MPHOSPH9: variants seen among roughly 807,000 people sequenced by gnomAD.
The protein encoded by MPHOSPH9 is M-phase phosphoprotein 9.
MPHOSPH9 carries 88 observed loss-of-function variants against 145.5 expected under a neutral mutation model. The ratio of observed to expected loss-of-function variants is 0.60; its 90% confidence interval spans 0.51 to 0.72. The LOEUF (loss-of-function observed/expected upper bound fraction) is 0.72. MPHOSPH9 is among the 30% of genes least tolerant of loss of function. The pLI is 0.00. For missense variants in MPHOSPH9, 1,238 were observed against 1,386.6 expected (o/e 0.89, Z 1.70); for synonymous variants, 435 against 486.2 (o/e 0.89, Z 1.39).
Position 123,154,251 on chromosome 12 carries a change from T to C in MPHOSPH9, c.*2556A>G, listed in dbSNP as rs2043820820. 1 of 151,056 alleles carries C rather than the reference T, an allele frequency of 6.6e-6. No individual in the cohort carries two copies. Among genetic ancestry groups the C allele is most frequent in the Admixed American group, 6.6e-5 (1 of 15,144 alleles). The allele number at this position is 151,056 out of a possible 1,614,324, so 9.4% of individuals were successfully genotyped here. A position where few individuals can be genotyped will look rare whatever the true frequency, so the allele number is the denominator to read the frequency against. On this transcript the variant is annotated 3_prime_UTR_variant, in exon 24 of 24. Coordinates refer to ENST00000606320, the MANE Select transcript of MPHOSPH9 (RefSeq NM_022782.4). ...TTTTTCTTTTTAAACTATTAATACC[T>C]GCAGCAAAGCCCCAAGCCAACAACA...
At chr12:123,158,401 G>A (rs1334406446) in intron 23 of MPHOSPH9, among the ~76,000 whole-genome samples, 1 of 152,110 alleles carries the variant, frequency 6.6e-6, no homozygotes, top group Non-Finnish European at 1.5e-5. Flanking sequence ...CCAGGAGTTC[G>A]AGACCACCCT....
downstream of MPHOSPH9, chr12:123,153,255 T>A (rs1165657663): frequency 6.6e-6 from 1 of 152,218 alleles, no homozygotes; most frequent in Non-Finnish European, 1.5e-5. Context: ...AAGACCAAAG[T>A]GCTTTCTGAA....
intron 13 of MPHOSPH9, among the ~76,000 whole-genome samples, chr12:123,191,699 T>C (rs2045682112): frequency 6.6e-6 from 1 of 152,108 alleles, no homozygotes; most frequent in Non-Finnish European, 1.5e-5. Context: ...AAGTACAAGA[T>C]GAGCCTGGAA....
At position 123,230,465 on chromosome 12, in the gene MPHOSPH9, T is replaced by C; in HGVS notation, c.-101A>G. 6.7e-6 allele frequency: 4 copies of C among 594,726 alleles called. No individual in the cohort carries two copies. Among genetic ancestry groups the C allele is most frequent in the Non-Finnish European group, 8.4e-6 (3 of 358,440 alleles). 36.8% of individuals were successfully genotyped at this position (594,726 alleles called of 1,614,324 possible). The stretch of plus-strand genomic sequence containing the variant: ...CATCTTCAGAGGCTTCATCATCTAC[T>C]GGCATTTTCAGTGGCTAACATTCAG... On this transcript the variant is annotated 5_prime_UTR_variant, in exon 2 of 24. Coordinates refer to ENST00000606320, the MANE Select transcript of MPHOSPH9 (RefSeq NM_022782.4).
intron 8 of MPHOSPH9, among the ~76,000 whole-genome samples, chr12:123,208,401 G>C (rs1196783587): frequency 6.6e-6 from 1 of 151,444 alleles, no homozygotes; most frequent in Non-Finnish European, 1.5e-5. Flanking sequence ...GCTGGGCGTG[G>C]TGGCATGTGC....
intron 13 of MPHOSPH9, among the ~76,000 whole-genome samples, chr12:123,191,962 T>C (rs1472382263): frequency 6.6e-6 from 1 of 151,648 alleles, no homozygotes; most frequent in African/African-American, 2.4e-5. Flanking sequence ...GGCAGAAGGA[T>C]TGCTTACTCC....
chr12:123,173,111 A>G (rs557051451), intron 16 of MPHOSPH9, among the ~76,000 whole-genome samples: 40 of 150,418 alleles, frequency 2.7e-4, no homozygotes, highest in African/African-American at 9.5e-4. Context: ...CCTGACCTCA[A>G]GTGATCCACC....
chr12:123,190,599 A>G (rs1284990224), intron 13 of MPHOSPH9, among the ~76,000 whole-genome samples: 1 of 152,240 alleles, frequency 6.6e-6, no homozygotes, highest in East Asian at 1.9e-4. Flanking sequence ...GGCAAATCTC[A>G]GAAACAATGT....
At chr12:123,224,601 C>A (rs1187769099) in intron 3 of MPHOSPH9, among the ~76,000 whole-genome samples, 1 of 152,088 alleles carries the variant, frequency 6.6e-6, no homozygotes, top group African/African-American at 2.4e-5. Flanking sequence ...GGAAGGAACT[C>A]CATGTTGGAA....
chr12:123,224,680 A>G (rs774989824), intron 3 of MPHOSPH9, among the ~76,000 whole-genome samples: 8 of 152,210 alleles, frequency 5.3e-5, no homozygotes, highest in Non-Finnish European at 8.8e-5. Flanking sequence ...GGGTCCAGGC[A>G]TGCGGATCAT....
rs554102338 is a variant in MPHOSPH9, at chr12:123,177,184, A to C, written c.2355-395T>G. Among the ~76,000 whole-genome samples, 56 of 151,960 alleles carry C rather than the reference A, an allele frequency of 3.7e-4. 1 individual carries two copies. The South Asian group carries it at 1.0e-2, about 27-fold the overall frequency. Reference sequence around the variant, plus strand: ...ACAGAGTGAGACTCCGTCACACACAAAAAAAGAGTTGCAAGTCCATAAACA... The same window carrying C: ...ACAGAGTGAGACTCCGTCACACACACAAAAAGAGTTGCAAGTCCATAAACA... On this transcript the variant is annotated intron_variant, in intron 15 of 23. Coordinates refer to ENST00000606320, the MANE Select transcript of MPHOSPH9 (RefSeq NM_022782.4).
At chr12:123,194,106 T>C (rs2045833518) in intron 13 of MPHOSPH9, among the ~76,000 whole-genome samples, 1 of 151,946 alleles carries the variant, frequency 6.6e-6, no homozygotes, top group Non-Finnish European at 1.5e-5. Context: ...CTGTCTTTAC[T>C]AACAATACAA....
In MPHOSPH9 at chr12:123,211,842, A is replaced by C. The variant is rs1340455275; in HGVS notation, c.1088-1680T>G. Among the ~76,000 whole-genome samples, 4 of 150,572 alleles carry C rather than the reference A, an allele frequency of 2.7e-5. No individual in the cohort carries two copies. In the East Asian group the frequency reaches 7.9e-4, roughly 30 times the overall value. ...CCAAGTAGCTGGGACTATAAACTCAACACCACCGCACCCAGCTAATTTTTG... is the reference window on the plus strand; with the variant it reads ...CCAAGTAGCTGGGACTATAAACTCACCACCACCGCACCCAGCTAATTTTTG... On this transcript the variant is annotated intron_variant, in intron 7 of 23. Transcript: ENST00000606320.
At chr12:123,209,737 G>GTTTTTTTTT in intron 8 of MPHOSPH9, among the ~76,000 whole-genome samples, 1 of 123,682 alleles carries the variant, frequency 8.1e-6, no homozygotes. Flanking sequence ...TTGTTTTGTT[G>GTTTTTTTTT]TTTTTTTTTT....
At chr12:123,167,835 G>C (rs944659613) in intron 16 of MPHOSPH9, among the ~76,000 whole-genome samples, 1 of 152,006 alleles carries the variant, frequency 6.6e-6, no homozygotes, top group Non-Finnish European at 1.5e-5. Flanking sequence ...TCATTCCCCA[G>C]ACTTTAGAGC....
chr12:123,166,603 C>A lies in MPHOSPH9; in HGVS notation c.2591+52G>T. On this transcript the variant is annotated intron_variant, in intron 17 of 23. Transcript: ENST00000606320. ...CCAAACTTTTAAAAGCAATTGAAAT[C>A]TCTAAGAAAACATAACATCCCTAAA... The A allele has an allele frequency of 3.2e-6, 5 of 1,587,100 alleles. No individual in the cohort carries two copies. The East Asian group carries it at 6.8e-5, about 21-fold the overall frequency.
intron 7 of MPHOSPH9, 113 bp from the exon 8 acceptor site, chr12:123,210,275 TTAAAG>T (rs1342794161): frequency 1.1e-5 from 6 of 553,076 alleles, no homozygotes; most frequent in Non-Finnish European, 1.8e-5. Flanking sequence ...TAATTTTGGG[TTAAAG>T]TAATTTGAAT....
At chr12:123,192,506 T>C (rs999537649) in intron 13 of MPHOSPH9, among the ~76,000 whole-genome samples, 1 of 150,398 alleles carries the variant, frequency 6.6e-6, no homozygotes, top group African/African-American at 2.5e-5. Context: ...CATGTGCCTA[T>C]GGTCCTAGCA....
chr12:123,173,842 TTC>T (rs1565908974), intron 16 of MPHOSPH9, among the ~76,000 whole-genome samples: 1 of 152,242 alleles, frequency 6.6e-6, no homozygotes, highest in African/African-American at 2.4e-5. Context: ...GTAAACATGA[TTC>T]TCTGAGTTCT....
Sources: allele counts gnomAD v4.1 joint callset (sites outside exome capture counted in the v4.1 genomes callset), GRCh38; gene constraint gnomAD v4.1.1; transcripts MANE v1.5; gene names NCBI Gene and HGNC (gene_info 2026-07-23, HGNC 2026-07-21).